The following ASPH variants were observed in gnomAD, a reference collection of about 807,000 sequenced individuals.
ASPH encodes the protein aspartate beta-hydroxylase.
In ASPH, 100 loss-of-function variants were observed where a neutral mutation model predicts 118.4. The observed-to-expected ratio is 0.84, with a 90% confidence interval of 0.72 to 1.00. The LOEUF is 1.00. ASPH is among the 50% of genes least tolerant of loss of function. The pLI, the probability that ASPH is intolerant of heterozygous loss-of-function variation, is 0.00. For synonymous variants in ASPH, 315 were observed against 325.6 expected, an observed-to-expected ratio of 0.97 and a Z score of 0.35; for missense variants, 920 against 919.5, an observed-to-expected ratio of 1.00 and a Z score of -0.01.
intron 20 of ASPH, among the ~76,000 whole-genome samples, chr8:61,552,270 T>C (rs1220332955): frequency 6.6e-6 from 1 of 152,236 alleles, no homozygotes; most frequent in African/African-American, 2.4e-5. Flanking sequence ...CAGGGCTGCA[T>C]AAATCGTAAA....
At chr8:61,647,008 C>A in intron 5 of ASPH, 130 bp from the exon 6 acceptor site, 1 of 1,172,250 alleles carries the variant, frequency 8.5e-7, no homozygotes, top group Non-Finnish European at 1.2e-6. Context: ...CTGAAGACAC[C>A]ATTGTCCACT....
intron 14 of ASPH, among the ~76,000 whole-genome samples, chr8:61,590,385 C>A (rs1259684618): frequency 2.0e-5 from 3 of 152,018 alleles, no homozygotes; most frequent in African/African-American, 7.3e-5. Flanking sequence ...TGAAAACATG[C>A]AAGACAGAGA....
At position 61,642,916 on chromosome 8, in the gene ASPH, A is replaced by C. The variant is rs1340354882; in HGVS notation, c.762T>G (p.Asp254Glu). ...EDERLHHDTD[D>E]VTYQVYEEQA... ...GTTCCTCATAGACTTGGTATGTTAC[A>C]TCATCTGAAAAAAAAAAGAGAATAA... is the stretch of plus-strand genomic sequence containing the variant. The change falls in exon 10 of 25, where the codon GAT (aspartate) becomes GAG (glutamate). Residue 254 changes from aspartate to glutamate, a missense_variant. Transcript: ENST00000379454. The C allele has an allele frequency of 6.4e-7, 1 of 1,561,520 alleles. No homozygotes were observed.
At position 61,687,883 on chromosome 8, in the gene ASPH, T is replaced by A. The variant is rs199566338; in HGVS notation, c.104-3695A>T. On this transcript the variant is annotated intron_variant, in intron 1 of 24. Coordinates refer to ENST00000379454, the MANE Select transcript of ASPH (RefSeq NM_004318.4). The stretch of plus-strand genomic sequence containing the variant: ...AAATGAGCTGTTACTCTAGTATTAT[T>A]AACCTTATTACTGTTGATATTTACT... Among the ~76,000 whole-genome samples, 20 of 152,348 alleles carry A rather than the reference T, an allele frequency of 1.3e-4. No individual in the cohort carries two copies. In the East Asian group the frequency reaches 2.5e-3, roughly 19 times the overall value.
intron 13 of ASPH, among the ~76,000 whole-genome samples, chr8:61,631,524 G>T (rs1027763697): frequency 6.6e-6 from 1 of 152,102 alleles, no homozygotes; most frequent in Non-Finnish European, 1.5e-5. Context: ...TAGTCTATAA[G>T]CAATATGCTG....
intron 20 of ASPH, among the ~76,000 whole-genome samples, chr8:61,551,297 G>C (rs569478428): frequency 1.3e-5 from 2 of 152,320 alleles, no homozygotes; most frequent in South Asian, 4.1e-4. Flanking sequence ...GCTTTTTGCA[G>C]ATCCATCCTC....
intron 3 of ASPH, chr8:61,668,192 A>G (rs758579883): frequency 6.5e-7 from 1 of 1,542,804 alleles, no homozygotes; most frequent in Non-Finnish European, 8.9e-7. Context: ...TTCAAACATT[A>G]AACTTGATTC....
chr8:61,599,264 G>A (rs1843253763), intron 14 of ASPH, among the ~76,000 whole-genome samples: 1 of 152,102 alleles, frequency 6.6e-6, no homozygotes, highest in Admixed American at 6.5e-5. Context: ...GATGGGAATT[G>A]AACAATGAGA....
chr8:61,579,230 T>C (rs550782884), intron 15 of ASPH: 1 of 1,613,770 alleles, frequency 6.2e-7, no homozygotes, highest in African/African-American at 1.3e-5. Context: ...CCATTGCAGA[T>C]GCCGAGCAGC....
intron 16 of ASPH, among the ~76,000 whole-genome samples, chr8:61,572,810 G>C (rs996023042): frequency 6.6e-6 from 1 of 152,172 alleles, no homozygotes; most frequent in Non-Finnish European, 1.5e-5. Flanking sequence ...TTGGCACAAG[G>C]AGGCCCTCTC....
intron 21 of ASPH, among the ~76,000 whole-genome samples, chr8:61,537,245 T>A (rs1819973007): frequency 1.3e-5 from 2 of 152,310 alleles, no homozygotes; most frequent in South Asian, 2.1e-4. Context: ...CTAAGGGACA[T>A]CCTGAGTGAT....
At chr8:61,698,801 A>T (rs1467402960) in intron 1 of ASPH, among the ~76,000 whole-genome samples, 10 of 152,242 alleles carry the variant, frequency 6.6e-5, no homozygotes, top group Admixed American at 6.5e-4. Context: ...CAAGAAGAAG[A>T]CCAAATATAT....
chr8:61,651,154 G>A, intron 4 of ASPH, 30 bp from the exon 5 acceptor site: 1 of 1,583,586 alleles, frequency 6.3e-7, no homozygotes, highest in Non-Finnish European at 8.7e-7. Context: ...TAGCTAAGTA[G>A]AAAAGCTCAA....
At chr8:61,606,305 T>C (rs1281160922) in intron 14 of ASPH, among the ~76,000 whole-genome samples, 1 of 152,156 alleles carries the variant, frequency 6.6e-6, no homozygotes, top group African/African-American at 2.4e-5. Context: ...ATCACTACTA[T>C]GATGATATAA....
intron 22 of ASPH, among the ~76,000 whole-genome samples, chr8:61,522,990 T>C (rs1463514874): frequency 1.3e-5 from 2 of 152,148 alleles, no homozygotes. Flanking sequence ...GTTCAGTCCA[T>C]AGAAGAGACC....
chr8:61,579,817 T>C, intron 15 of ASPH: 6 of 694,530 alleles, frequency 8.6e-6, no homozygotes, highest in Non-Finnish European at 2.6e-6. Flanking sequence ...GTTTACTACC[T>C]GGGGACCCCC....
At chr8:61,623,025 A>G (rs1018614633) in intron 13 of ASPH, among the ~76,000 whole-genome samples, 23 of 152,258 alleles carry the variant, frequency 1.5e-4, no homozygotes, top group African/African-American at 5.5e-4. Flanking sequence ...GGAAAAGAGA[A>G]CTTTCCATAT....
rs192282986 is a variant in ASPH at position 61,545,480 on chromosome 8, G to A, written c.1764+2591C>T. 9.3e-4 allele frequency among the ~76,000 whole-genome samples: 141 copies of A among 152,340 alleles called. 1 individual carries two copies. Among genetic ancestry groups the A allele is most frequent in the African/African-American group, 3.3e-3 (137 of 41,592 alleles). Reference sequence around the variant, plus strand: ...AAAACGATATTAACCAAGGGGTTACGTGGTGAGTTAATGTTCACACCGAAT... The same window carrying A: ...AAAACGATATTAACCAAGGGGTTACATGGTGAGTTAATGTTCACACCGAAT... On this transcript the variant is annotated intron_variant, in intron 21 of 24. Coordinates refer to ENST00000379454, the MANE Select transcript of ASPH (RefSeq NM_004318.4).
chr8:61,567,412 T>C (rs1832072227), intron 16 of ASPH, 94 bp from the exon 17 acceptor site: 2 of 1,351,450 alleles, frequency 1.5e-6, no homozygotes, highest in Non-Finnish European at 2.0e-6. Flanking sequence ...TTGGACATGC[T>C]TTAAAAGAAA....
Sources: allele counts gnomAD v4.1 joint callset (sites outside exome capture counted in the v4.1 genomes callset), GRCh38; gene constraint gnomAD v4.1.1; transcripts MANE v1.5; gene names NCBI Gene and HGNC (gene_info 2026-07-23, HGNC 2026-07-21).